The following BRWD3 variants were observed in gnomAD, a reference collection of about 807,000 sequenced individuals.
BRWD3 encodes bromodomain and WD repeat domain containing 3, also known as bromodomain and WD repeat-containing protein 3.
In BRWD3, 10 loss-of-function variants were observed where a neutral mutation model predicts 149.7. The observed-to-expected ratio is 0.07, with a 90% confidence interval of 0.04 to 0.11. The LOEUF (loss-of-function observed/expected upper bound fraction) is 0.11, where lower values mean the gene tolerates loss of function less well. BRWD3 is among the 10% of genes least tolerant of loss of function. BRWD3 has a pLI of 1.00. For missense variants in BRWD3, 940 were observed against 1,373.2 expected (o/e 0.68, Z 4.99); for synonymous variants, 504 against 456.7 (o/e 1.10, Z -1.32).
At chrX:80,718,712 C>T (rs940972339) in intron 18 of BRWD3, among the ~76,000 whole-genome samples, 4 of 111,337 alleles carry the variant, frequency 3.6e-5, no homozygotes, top group Non-Finnish European at 5.7e-5. Flanking sequence ...TTTAAATCAC[C>T]TTATTCATTT....
At chrX:80,729,009 T>C in intron 13 of BRWD3, 104 bp from the exon 14 acceptor site, 1 of 713,228 alleles carries the variant, frequency 1.4e-6, no homozygotes, top group East Asian at 3.2e-5. Flanking sequence ...TACAACTGTT[T>C]AGATTTAAAA....
chrX:80,736,975 G>A (rs1350495315), intron 8 of BRWD3, among the ~76,000 whole-genome samples: 1 of 111,718 alleles, frequency 9.0e-6, no homozygotes, highest in Non-Finnish European at 1.9e-5. Flanking sequence ...AAGATATATA[G>A]GGTTTGAATA....
At chrX:80,796,901 C>A (rs1192739011) in intron 4 of BRWD3, among the ~76,000 whole-genome samples, 1 of 111,323 alleles carries the variant, frequency 9.0e-6, no homozygotes, top group African/African-American at 3.3e-5. Context: ...TGGCTGGGAA[C>A]GGTGGCTCAT....
At chrX:80,735,803 CAAAA>C (rs571194692) in intron 9 of BRWD3, among the ~76,000 whole-genome samples, 181 bp downstream of exon 9, 1 of 45,521 alleles carries the variant, frequency 2.2e-5, no homozygotes. Context: ...GACTCTGTCT[CAAAA>C]AAAAAAAAAA....
chrX:80,724,486 G>A (rs2073191656), intron 15 of BRWD3, among the ~76,000 whole-genome samples: 1 of 111,315 alleles, frequency 9.0e-6, no homozygotes, highest in Non-Finnish European at 1.9e-5. Context: ...TTTTTCCATG[G>A]CTTGTATGAG....
At chrX:80,740,234 T>A (rs1199923987) in intron 8 of BRWD3, among the ~76,000 whole-genome samples, 1 of 112,095 alleles carries the variant, frequency 8.9e-6, no homozygotes, top group Admixed American at 9.5e-5. Context: ...TAAATGGGTA[T>A]AATTATCTCC....
At position 80,734,025 on chromosome X, in the gene BRWD3, G is replaced by C. The variant is rs2073370603; in HGVS notation, c.1086+93C>G. The C allele has an allele frequency of 1.7e-5, 11 of 655,328 alleles. No homozygotes were observed. The Admixed American group carries it at 2.1e-4, about 12-fold the overall frequency. The allele number at this position is 655,328 out of a possible 1,213,427, so 54.0% of individuals were successfully genotyped here. A position where few individuals can be genotyped will look rare whatever the true frequency, so the allele number is the denominator to read the frequency against. On this transcript the variant is annotated intron_variant, in intron 11 of 40. Coordinates refer to ENST00000373275, the MANE Select transcript of BRWD3 (RefSeq NM_153252.5). Reference sequence around the variant, plus strand: ...AAGTGTAAGCCAAAATTTGTGATTTGTATATGTTACTATGGTACAGATCAG... The same window carrying C: ...AAGTGTAAGCCAAAATTTGTGATTTCTATATGTTACTATGGTACAGATCAG...
At chrX:80,736,511 A>C (rs2073406326) in intron 8 of BRWD3, among the ~76,000 whole-genome samples, 3 of 111,662 alleles carry the variant, frequency 2.7e-5, no homozygotes, top group Admixed American at 1.9e-4. Flanking sequence ...AAATCTAAAA[A>C]CACTTGGGAA....
chrX:80,700,083 G>A lies in BRWD3; in HGVS notation c.2836-19C>T, dbSNP rs749894413. 3 of 1,125,849 alleles carry A rather than the reference G, an allele frequency of 2.7e-6. No homozygotes were observed. In the Admixed American group the frequency reaches 6.6e-5, roughly 25 times the overall value. 92.8% of individuals were successfully genotyped at this position (1,125,849 alleles called of 1,213,427 possible). A position where few individuals can be genotyped will look rare whatever the true frequency, so the allele number is the denominator to read the frequency against. On this transcript the variant is annotated intron_variant, in intron 24 of 40. Transcript: ENST00000373275. The stretch of plus-strand genomic sequence containing the variant: ...AGATAAGCTAAAACAGAAAACATAA[G>A]GTATTAAACAGCAGCATCCTATATA...
intron 14 of BRWD3, among the ~76,000 whole-genome samples, chrX:80,727,249 C>T (rs760058219): frequency 3.6e-5 from 4 of 111,417 alleles, no homozygotes; most frequent in African/African-American, 9.8e-5. Context: ...TTAGCCCATT[C>T]CAATCTATTC....
chrX:80,734,892 T>G (rs761167707), intron 10 of BRWD3, among the ~76,000 whole-genome samples: 1 of 110,142 alleles, frequency 9.1e-6, no homozygotes, highest in East Asian at 2.9e-4. Flanking sequence ...GGTCTGTTTT[T>G]TACCAAGCAA....
intron 6 of BRWD3, among the ~76,000 whole-genome samples, chrX:80,766,753 C>A (rs2073862795): frequency 8.9e-6 from 1 of 112,079 alleles, no homozygotes; most frequent in Admixed American, 9.4e-5. Context: ...ATTTCTTTGG[C>A]ACTGGTTGGA....
At chrX:80,732,421 G>C (rs1420224826) in intron 12 of BRWD3, among the ~76,000 whole-genome samples, 1 of 111,734 alleles carries the variant, frequency 8.9e-6, no homozygotes. Flanking sequence ...CAGGAGTAAT[G>C]AGTGATGCAG....
At chrX:80,695,002 A>G (rs1409678130) in intron 27 of BRWD3, among the ~76,000 whole-genome samples, 1 of 111,082 alleles carries the variant, frequency 9.0e-6, no homozygotes, top group East Asian at 2.8e-4. Flanking sequence ...CTCATCTTGA[A>G]GTCTAATCCC....
intron 7 of BRWD3, among the ~76,000 whole-genome samples, chrX:80,745,070 A>G (rs1394661899): frequency 1.8e-5 from 2 of 111,792 alleles, no homozygotes; most frequent in Non-Finnish European, 3.8e-5. Context: ...AAAAGCATAC[A>G]GTATTATCTG....
intron 23 of BRWD3, 90 bp from the exon 24 acceptor site, chrX:80,703,683 AGAG>A (rs2072822614): frequency 4.8e-6 from 3 of 629,278 alleles, no homozygotes; most frequent in Admixed American, 3.3e-5. Context: ...AATAGTAGGT[AGAG>A]AAGATTAAAA....
At chrX:80,718,640 T>C (rs1026966024) in intron 18 of BRWD3, among the ~76,000 whole-genome samples, 8 of 112,030 alleles carry the variant, frequency 7.1e-5, no homozygotes, top group African/African-American at 2.6e-4. Flanking sequence ...TGAACTATTT[T>C]AATTTTATGA....
intron 6 of BRWD3, among the ~76,000 whole-genome samples, chrX:80,785,826 G>A (rs1304285140): frequency 8.9e-6 from 1 of 112,228 alleles, no homozygotes; most frequent in Non-Finnish European, 1.9e-5. Flanking sequence ...TCTGGAGTTT[G>A]AGACCAGCCT....
intron 4 of BRWD3, among the ~76,000 whole-genome samples, chrX:80,797,581 T>C (rs2074251364): frequency 8.9e-6 from 1 of 111,749 alleles, no homozygotes; most frequent in African/African-American, 3.3e-5. Context: ...TTCAGCTAAT[T>C]ATATAAAAAG....
Sources: allele counts gnomAD v4.1 joint callset (sites outside exome capture counted in the v4.1 genomes callset), GRCh38; gene constraint gnomAD v4.1.1; transcripts MANE v1.5; gene names NCBI Gene and HGNC (gene_info 2026-07-23, HGNC 2026-07-21).